The following RABGAP1L variants were observed in gnomAD, a reference collection of about 807,000 sequenced individuals.
The protein encoded by RABGAP1L is rab GTPase-activating protein 1-like.
In RABGAP1L, 63 loss-of-function variants were observed where a neutral mutation model predicts 137.7. The ratio of observed to expected loss-of-function variants is 0.46; its 90% confidence interval spans 0.37 to 0.56. The LOEUF (loss-of-function observed/expected upper bound fraction) is 0.56. Among genes scored for constraint, RABGAP1L ranks in the 20% least tolerant of loss-of-function variants. The pLI is 0.00. For synonymous variants in RABGAP1L, 431 were observed against 433.7 expected, an observed-to-expected ratio of 0.99 and a Z score of 0.08; for missense variants, 1,095 against 1,244.0, an observed-to-expected ratio of 0.88 and a Z score of 1.80.
intron 17 of RABGAP1L, 24 bp from the exon 18 acceptor site, chr1:174,752,289 C>G: frequency 6.5e-7 from 1 of 1,544,718 alleles, no homozygotes; most frequent in South Asian, 1.2e-5. Flanking sequence ...CAGTACTAAT[C>G]TTCACTTTCT....
chr1:174,891,284 G>C (rs1182982702), intron 19 of RABGAP1L, among the ~76,000 whole-genome samples: 2 of 152,158 alleles, frequency 1.3e-5, no homozygotes, highest in African/African-American at 4.8e-5. Flanking sequence ...TAAAATGTAG[G>C]GGGTAGGCCA....
intron 18 of RABGAP1L, among the ~76,000 whole-genome samples, chr1:174,763,015 A>G (rs1482562989): frequency 6.6e-6 from 1 of 151,356 alleles, no homozygotes. Context: ...GGCTTTCACC[A>G]TGTGGGCCAG....
At chr1:174,610,980 G>A (rs1215533748) in intron 13 of RABGAP1L, among the ~76,000 whole-genome samples, 2 of 150,724 alleles carry the variant, frequency 1.3e-5, no homozygotes, top group African/African-American at 2.5e-5. Flanking sequence ...AGTAGGTTGC[G>A]AAAATTTTCT....
At chr1:174,843,262 A>T (rs1031533926) in intron 19 of RABGAP1L, among the ~76,000 whole-genome samples, 7 of 145,626 alleles carry the variant, frequency 4.8e-5, no homozygotes, top group Non-Finnish European at 1.0e-4. Flanking sequence ...GTTTTAGGGT[A>T]CATGTGCACA....
chr1:174,788,273 T>A (rs1419212644), intron 18 of RABGAP1L, among the ~76,000 whole-genome samples: 3 of 152,184 alleles, frequency 2.0e-5, no homozygotes, highest in Non-Finnish European at 4.4e-5. Context: ...ACTGTGTTCA[T>A]TTATCAGGAG....
intron 19 of RABGAP1L, among the ~76,000 whole-genome samples, chr1:174,947,144 G>C (rs1006595470): frequency 3.3e-5 from 5 of 149,910 alleles, no homozygotes; most frequent in African/African-American, 1.2e-4. Context: ...TAAGTAAATT[G>C]CTCATAAAAT....
intron 13 of RABGAP1L, among the ~76,000 whole-genome samples, chr1:174,582,181 G>A (rs183038609): frequency 6.6e-6 from 1 of 152,022 alleles, no homozygotes; most frequent in South Asian, 2.1e-4. Context: ...ATACCAGTCT[G>A]GGCAACATGG....
At chr1:174,772,158 ACTGCACTACAGC>A (rs1558062877) in intron 18 of RABGAP1L, among the ~76,000 whole-genome samples, 2 of 152,128 alleles carry the variant, frequency 1.3e-5, no homozygotes, top group Non-Finnish European at 2.9e-5. Flanking sequence ...AGATCACGCC[ACTGCACTACAGC>A]CTGGACGACA....
At chr1:174,826,570 C>T (rs1490808062) in intron 19 of RABGAP1L, among the ~76,000 whole-genome samples, 1 of 152,170 alleles carries the variant, frequency 6.6e-6, no homozygotes, top group African/African-American at 2.4e-5. Context: ...CTGCTTGATT[C>T]TAAGTCTTTG....
intron 14 of RABGAP1L, among the ~76,000 whole-genome samples, chr1:174,677,990 A>G (rs1392920788): frequency 6.6e-6 from 1 of 152,134 alleles, no homozygotes; most frequent in Middle Eastern, 3.2e-3. Context: ...AAAGATTAAT[A>G]AAATTAATAA....
At chr1:174,915,533 T>C (rs1228418619) in intron 19 of RABGAP1L, among the ~76,000 whole-genome samples, 1 of 152,228 alleles carries the variant, frequency 6.6e-6, no homozygotes, top group Non-Finnish European at 1.5e-5. Flanking sequence ...CTCAGCTCAC[T>C]GCAACCTCTG....
intron 12 of RABGAP1L, among the ~76,000 whole-genome samples, chr1:174,377,674 C>T (rs548023205): frequency 5.9e-5 from 9 of 151,534 alleles, no homozygotes; most frequent in Middle Eastern, 3.5e-3. Flanking sequence ...ATACCCACTA[C>T]GATGTCAATC....
intron 11 of RABGAP1L, among the ~76,000 whole-genome samples, chr1:174,318,045 G>GT (rs60940580): frequency 0.31 from 44,803 of 144,700 alleles, 7,248 homozygotes; most frequent in African/African-American, 0.41. Context: ...GTTCAGGACT[G>GT]TTTTTTTTTT....
chr1:174,199,653 T>C (rs1294978285), intron 1 of RABGAP1L, among the ~76,000 whole-genome samples: 1 of 152,256 alleles, frequency 6.6e-6, no homozygotes, highest in Non-Finnish European at 1.5e-5. Context: ...TTGTTCATTA[T>C]TTCCTTAATA....
chr1:174,932,561 A>G (rs1664025168), intron 19 of RABGAP1L, among the ~76,000 whole-genome samples: 1 of 152,146 alleles, frequency 6.6e-6, no homozygotes, highest in Non-Finnish European at 1.5e-5. Context: ...GCTTACTCTG[A>G]TCATTTGACC....
intron 7 of RABGAP1L, among the ~76,000 whole-genome samples, chr1:174,255,727 T>C (rs1384377572): frequency 6.6e-6 from 1 of 152,196 alleles, no homozygotes; most frequent in African/African-American, 2.4e-5. Context: ...GGTTTCACCA[T>C]GTTGGTCAGG....
chr1:174,878,509 G>A (rs527862754), intron 19 of RABGAP1L, among the ~76,000 whole-genome samples: 3 of 152,194 alleles, frequency 2.0e-5, no homozygotes, highest in Admixed American at 6.5e-5. Flanking sequence ...ACAGGCATAA[G>A]CCACCACGCC....
At chr1:174,565,646 G>A (rs1416606670) in intron 13 of RABGAP1L, among the ~76,000 whole-genome samples, 1 of 152,084 alleles carries the variant, frequency 6.6e-6, no homozygotes, top group Admixed American at 6.6e-5. Context: ...AATTTTCCTA[G>A]CACATCTGAA....
intron 17 of RABGAP1L, among the ~76,000 whole-genome samples, chr1:174,743,009 A>G (rs1458489981): frequency 1.3e-5 from 2 of 152,326 alleles, no homozygotes; most frequent in African/African-American, 2.4e-5. Context: ...TGAATATGTT[A>G]CCACAACACC....
Sources: gnomAD v4.1 joint callset for allele counts (sites outside exome capture counted in the v4.1 genomes callset) on GRCh38, gnomAD v4.1.1 for gene constraint, MANE v1.5 for transcripts, NCBI Gene and HGNC (gene_info 2026-07-23, HGNC 2026-07-21) for gene names.